TBC1D2B: variants seen among roughly 807,000 people sequenced by gnomAD.
TBC1D2B encodes TBC1 domain family member 2B, also known as TBC1 domain family, member 2B.
In TBC1D2B, 64 loss-of-function variants were observed where a neutral mutation model predicts 100.8. The observed-to-expected ratio is 0.64, with a 90% CI of 0.52 to 0.78. The LOEUF is 0.78. Ranked by LOEUF, TBC1D2B falls within the 30% of genes least tolerant of loss-of-function variation. TBC1D2B has a pLI of 0.00. For missense variants in TBC1D2B, 1,052 were observed against 1,218.4 expected (o/e 0.86, Z 2.03); for synonymous variants, 480 against 479.7 (o/e 1.00, Z -0.01).
chr15:78,038,562 G>T (rs2073003247), intron 3 of TBC1D2B, among the ~76,000 whole-genome samples: 1 of 152,224 alleles, frequency 6.6e-6, no homozygotes, highest in African/African-American at 2.4e-5. Context: ...AAGGCAATGA[G>T]AAGCCTCTGA....
At chr15:78,024,029 T>G in intron 6 of TBC1D2B, 127 bp downstream of exon 6, 1 of 1,229,650 alleles carries the variant, frequency 8.1e-7, no homozygotes, top group Non-Finnish European at 1.1e-6. Context: ...CTGTTACACT[T>G]GTGGGGAAAA....
intron 1 of TBC1D2B, among the ~76,000 whole-genome samples, chr15:78,077,087 T>C (rs2073840369): frequency 6.6e-6 from 1 of 152,118 alleles, no homozygotes. Context: ...AGACGGGGCT[T>C]GGTAGCCCCA....
intron 1 of TBC1D2B, among the ~76,000 whole-genome samples, chr15:78,057,977 C>T (rs995572765): frequency 1.1e-4 from 16 of 152,194 alleles, no homozygotes; most frequent in East Asian, 7.7e-4. Flanking sequence ...GCCTCTTTAT[C>T]GCCCCAGTCC....
At chr15:78,031,490 G>GT (rs1405068930) in intron 3 of TBC1D2B, among the ~76,000 whole-genome samples, 1 of 134,032 alleles carries the variant, frequency 7.5e-6, no homozygotes, top group East Asian at 2.6e-4. Context: ...GGAGGCGGAG[G>GT]TTACAGTGAG....
At chr15:78,014,634 C>T (rs915507108) in intron 8 of TBC1D2B, among the ~76,000 whole-genome samples, 3 of 152,130 alleles carry the variant, frequency 2.0e-5, no homozygotes, top group Admixed American at 2.0e-4. Context: ...TTTGTAGTAC[C>T]AGCTATTTGG....
intron 3 of TBC1D2B, among the ~76,000 whole-genome samples, chr15:78,036,679 G>C (rs965719568): frequency 2.0e-5 from 3 of 152,190 alleles, no homozygotes; most frequent in African/African-American, 7.2e-5. Flanking sequence ...GCCTAGTGAA[G>C]CTGAGTTTGA....
Position 77,997,669 on chromosome 15 carries a change from C to A in TBC1D2B, c.*491G>T, listed in dbSNP as rs2071799010. On this transcript the variant is annotated 3_prime_UTR_variant, in exon 13 of 13. Transcript: ENST00000300584. ...GATGTGCCTGCTTTTCTAAGGCAGC[C>A]CCTTTTCATACCAACCTTATGCCTG... The A allele has an allele frequency of 6.6e-6, 1 of 152,590 alleles. No homozygotes were observed. Among genetic ancestry groups the A allele is most frequent in the Non-Finnish European group, 1.5e-5 (1 of 68,294 alleles). The allele number at this position is 152,590 out of a possible 1,614,324, so 9.5% of individuals were successfully genotyped here. A position where few individuals can be genotyped will look rare whatever the true frequency, so the allele number is the denominator to read the frequency against.
At chr15:78,071,949 G>A (rs1308429953) in intron 1 of TBC1D2B, among the ~76,000 whole-genome samples, 1 of 152,174 alleles carries the variant, frequency 6.6e-6, no homozygotes, top group Non-Finnish European at 1.5e-5. Context: ...TTCCTGGTTT[G>A]CAAAGGAATG....
chr15:78,036,096 C>G (rs569136131), intron 3 of TBC1D2B, among the ~76,000 whole-genome samples: 1 of 152,326 alleles, frequency 6.6e-6, no homozygotes, highest in Non-Finnish European at 1.5e-5. Flanking sequence ...ATAGTGGATA[C>G]TGTACAATCC....
chr15:78,052,507 G>A (rs1397618532), intron 2 of TBC1D2B, among the ~76,000 whole-genome samples: 2 of 152,142 alleles, frequency 1.3e-5, no homozygotes, highest in East Asian at 1.9e-4. Flanking sequence ...TATCAAAGGA[G>A]GAGAAACAAA....
intron 10 of TBC1D2B, among the ~76,000 whole-genome samples, chr15:78,004,971 C>G (rs2072027073): frequency 1.3e-5 from 2 of 152,192 alleles, no homozygotes; most frequent in South Asian, 4.1e-4. Flanking sequence ...CTTTCAGGAG[C>G]TGTAAAGTGG....
chr15:78,003,857 C>G (rs764201529), intron 10 of TBC1D2B, among the ~76,000 whole-genome samples: 1 of 152,182 alleles, frequency 6.6e-6, no homozygotes, highest in Non-Finnish European at 1.5e-5. Context: ...GATGTTGACA[C>G]AAAGGGCCAC....
chr15:78,053,344 T>C (rs1410044155), intron 2 of TBC1D2B, among the ~76,000 whole-genome samples: 1 of 152,244 alleles, frequency 6.6e-6, no homozygotes, highest in African/African-American at 2.4e-5. Flanking sequence ...TTTTAGACCT[T>C]ACTTCAGAGC....
chr15:78,053,918 G>A, intron 2 of TBC1D2B, 116 bp downstream of exon 2: 1 of 1,178,906 alleles, frequency 8.5e-7, no homozygotes, highest in Non-Finnish European at 1.2e-6. Context: ...CCACTCATAA[G>A]GTAGCATCAT....
At chr15:78,045,951 G>A (rs2073185960) in intron 2 of TBC1D2B, among the ~76,000 whole-genome samples, 1 of 151,184 alleles carries the variant, frequency 6.6e-6, no homozygotes, top group African/African-American at 2.4e-5. Context: ...TTCCCCCATA[G>A]ACGGAGTTTT....
At position 77,998,208 on chromosome 15, in the gene TBC1D2B, G is replaced by A; in HGVS notation, c.2844C>T (p.Thr948=). ...IREDFLRERD[T]SPDKGELVSD... is the part of the protein sequence containing the mutation. The stretch of plus-strand genomic sequence containing the variant: ...TGACCAGCTCACCCTTGTCAGGGCT[G>A]GTGTCCCGCTCACGCAGGAAGTCCT... The change falls in exon 13 of 13, where the codon ACC becomes ACT. Residue 948 remains threonine (T), a synonymous_variant. Transcript: ENST00000300584. 4 of 1,562,780 alleles carry A rather than the reference G, an allele frequency of 2.6e-6. No individual in the cohort carries two copies. Among genetic ancestry groups the A allele is most frequent in the Non-Finnish European group, 3.5e-6 (4 of 1,153,910 alleles).
At chr15:78,009,384 C>A (rs933278224) in intron 9 of TBC1D2B, among the ~76,000 whole-genome samples, 1 of 151,964 alleles carries the variant, frequency 6.6e-6, no homozygotes, top group African/African-American at 2.4e-5. Context: ...AAACAAAAAA[C>A]CAAAAATCAG....
chr15:77,995,384 C>CAGCT lies in TBC1D2B; in HGVS notation c.*2772_*2775dup, dbSNP rs1490548462. 6.6e-6 allele frequency: 1 copy of CAGCT among 152,376 alleles called. No homozygotes were observed. The highest frequency in any genetic ancestry group is 1.5e-5 in the Non-Finnish European group (1 of 68,064). The allele number at this position is 152,376 out of a possible 1,614,324, so 9.4% of individuals were successfully genotyped here. A position where few individuals can be genotyped will look rare whatever the true frequency, so the allele number is the denominator to read the frequency against. ...GTCAGCAGTCTTGGCGGCTACTGTA[C>CAGCT]AGCTGTCAGCATGACTACAGGCAGC... On this transcript the variant is annotated 3_prime_UTR_variant, in exon 13 of 13. Coordinates refer to ENST00000300584, the MANE Select transcript of TBC1D2B (RefSeq NM_144572.2).
intron 2 of TBC1D2B, among the ~76,000 whole-genome samples, chr15:78,050,188 T>C (rs2073283804): frequency 6.6e-6 from 1 of 152,012 alleles, no homozygotes. Context: ...GACTGAAAGT[T>C]ACAGCTACTC....
Sources: allele counts gnomAD v4.1 joint callset (sites outside exome capture counted in the v4.1 genomes callset), GRCh38; gene constraint gnomAD v4.1.1; transcripts MANE v1.5; gene names NCBI Gene and HGNC (gene_info 2026-07-23, HGNC 2026-07-21).